The following ZNF513 variants were observed in gnomAD, a reference collection of about 807,000 sequenced individuals.
ZNF513 encodes the protein zinc finger protein 513.
ZNF513 carries 16 observed loss-of-function variants against 39.7 expected under a neutral mutation model. The observed-to-expected ratio is 0.40, with a 90% confidence interval of 0.27 to 0.61. ZNF513 has a LOEUF of 0.61. Among genes scored for constraint, ZNF513 ranks in the 20% least tolerant of loss-of-function variants. The probability of loss-of-function intolerance (pLI) is 0.39; values close to 1 mark genes in which losing one functional copy is unlikely to be tolerated. For synonymous variants in ZNF513, 348 were observed against 296.5 expected, an observed-to-expected ratio of 1.17 and a Z score of -1.79; for missense variants, 699 against 743.6, an observed-to-expected ratio of 0.94 and a Z score of 0.70.
At chr2:27,379,086 C>T in intron 2 of ZNF513, 32 bp from the exon 3 acceptor site, 2 of 1,603,144 alleles carry the variant, frequency 1.2e-6, no homozygotes, top group Non-Finnish European at 1.7e-6. Flanking sequence ...GAGACATCAG[C>T]ATAGGGTAGG....
At position 27,380,615 on chromosome 2, in the gene ZNF513, C is replaced by G. The variant is rs975653754; in HGVS notation, c.-89G>C. On this transcript the variant is annotated 5_prime_UTR_variant, in exon 1 of 4. An upstream open reading frame in the 5' UTR loses its in-frame stop. Coordinates refer to ENST00000323703, the MANE Select transcript of ZNF513 (RefSeq NM_144631.6). Reference sequence around the variant, plus strand: ...CGGCCCGCCTGTCTGCCCTTCCTCTCAGGGCCCGCGGGCCGCCCCCATGCA... The same window carrying G: ...CGGCCCGCCTGTCTGCCCTTCCTCTGAGGGCCCGCGGGCCGCCCCCATGCA... The G allele has an allele frequency of 2.0e-6, 3 of 1,513,188 alleles. No homozygotes were observed. The highest frequency in any genetic ancestry group is 4.3e-5 in the Admixed American group (2 of 46,578). 93.7% of individuals were successfully genotyped at this position (1,513,188 alleles called of 1,614,324 possible).
chr2:27,380,334 T>C (rs887463328), intron 1 of ZNF513, 86 bp from the exon 2 acceptor site: 8 of 1,610,666 alleles, frequency 5.0e-6, no homozygotes, highest in African/African-American at 2.7e-5. Context: ...CCCACTCTGA[T>C]TCCCTTAGTG....
chr2:27,377,512 G>T lies in ZNF513; in HGVS notation c.*33C>A, dbSNP rs145489942. 6.2e-7 allele frequency: 1 copy of T among 1,609,342 alleles called. No homozygotes were observed. Reference sequence around the variant, plus strand: ...GGGAGAAAAAGGTGGCTTCTGGTCCGTCTGTATAAAACATGGGGAAGAAGG... The same window carrying T: ...GGGAGAAAAAGGTGGCTTCTGGTCCTTCTGTATAAAACATGGGGAAGAAGG... On this transcript the variant is annotated 3_prime_UTR_variant, in exon 4 of 4. Transcript: ENST00000323703. This position sits in a 1 kb window ranked among gnomAD's most constrained non-coding sequence, Gnocchi z 4.4.
In ZNF513 at chr2:27,378,839, G is replaced by C. The variant is rs759866772; in HGVS notation, c.427C>G (p.Leu143Val). The C allele has an allele frequency of 6.2e-7, 1 of 1,609,458 alleles. No individual in the cohort carries two copies. The highest frequency in any genetic ancestry group is 1.1e-5 in the South Asian group (1 of 90,802). The change falls in exon 3 of 4, where the codon CTG becomes GTG. Residue 143 changes from leucine to valine, a missense_variant. Physicochemically the swap from Leu to Val is conservative, Grantham distance 32 (BLOSUM62 1). Coordinates refer to ENST00000323703, the MANE Select transcript of ZNF513 (RefSeq NM_144631.6). This position sits in a 1 kb window ranked among gnomAD's most constrained non-coding sequence, Gnocchi z 8.0. ...CGAGGPGGGP[L>V]LPPRLLYSCR... ...GAGTACAGTAGCCGTGGGGGCAGCAGGGGCCCCCCACCCGGCCCTCCTGCC... is the reference window on the plus strand; with the variant it reads ...GAGTACAGTAGCCGTGGGGGCAGCACGGGCCCCCCACCCGGCCCTCCTGCC...
Position 27,378,343 on chromosome 2 carries a change from G to A in ZNF513, c.828C>T (p.Leu276=). 1.2e-6 allele frequency: 2 copies of A among 1,602,152 alleles called. No individual in the cohort carries two copies. Among genetic ancestry groups the A allele is most frequent in the Non-Finnish European group, 1.7e-6 (2 of 1,179,964 alleles). The change falls in exon 4 of 4, where the codon CTC becomes CTT. Residue 276 remains leucine, a synonymous_variant. Transcript: ENST00000323703. This position sits in a 1 kb window ranked among gnomAD's most constrained non-coding sequence, Gnocchi z 8.0. The part of the protein sequence containing the change: ...EDALLLPDLS[L]HVPPGGASFL... ...AACTGGCACCACCTGGTGGCACATG[G>A]AGGCTCAAATCTGGAAGGAGCAGAG...
rs147635838 is a variant in ZNF513, at chr2:27,378,313, C to T, written c.858G>A (p.Leu286=). The part of the protein sequence containing the change: ...LHVPPGGASF[L]PDCGQLRGEG... The stretch of plus-strand genomic sequence containing the variant: ...CACCCCGCAGCTGCCCACAGTCTGG[C>T]AGGAAACTGGCACCACCTGGTGGCA... Residue 286 remains leucine (L), a synonymous_variant, in exon 4 of 4, where the codon CTG becomes CTA. Transcript: ENST00000323703. This position sits in a 1 kb window ranked among gnomAD's most constrained non-coding sequence, Gnocchi z 8.0. 1.5e-5 allele frequency: 24 copies of T among 1,601,024 alleles called. No homozygotes were observed. The highest frequency in any genetic ancestry group is 5.0e-5 in the Admixed American group (3 of 60,006).
intron 2 of ZNF513, among the ~76,000 whole-genome samples, chr2:27,379,731 A>G (rs998130127): frequency 2.0e-5 from 3 of 152,238 alleles, no homozygotes; most frequent in African/African-American, 7.2e-5. Context: ...AGGGAGTTAG[A>G]TTAGACCTAA....
rs567711204 is a variant in ZNF513 at position 27,379,945 on chromosome 2, A to G, written c.211+148T>C. ...ACAAAGTGATGGAAGTGATTGGACC[A>G]TTAAACAAATGAAGTCATCTAGCTC... is the stretch of plus-strand genomic sequence containing the variant. On this transcript the variant is annotated intron_variant, in intron 2 of 3. Coordinates refer to ENST00000323703, the MANE Select transcript of ZNF513 (RefSeq NM_144631.6). 3.9e-4 allele frequency: 425 copies of G among 1,081,444 alleles called. 4 individuals are homozygous for G. The South Asian group carries it at 5.3e-3, about 13-fold the overall frequency. The allele number at this position is 1,081,444 out of a possible 1,614,324, so 67.0% of individuals were successfully genotyped here. A position where few individuals can be genotyped will look rare whatever the true frequency, so the allele number is the denominator to read the frequency against.
intron 1 of ZNF513, 36 bp downstream of exon 1, chr2:27,380,436 C>A: frequency 1.3e-6 from 2 of 1,581,330 alleles, no homozygotes; most frequent in South Asian, 2.3e-5. Context: ...TGACCCCACC[C>A]CCGCTCCTCT....
chr2:27,377,600 C>T lies in ZNF513; in HGVS notation c.1571G>A (p.Gly524Asp), dbSNP rs776203663. The change falls in exon 4 of 4, where the codon GGC becomes GAC. Residue 524 changes from glycine to aspartate, a missense_variant. Transcript: ENST00000323703. The surrounding 1 kb of genome is among the most constrained non-coding windows in gnomAD (Gnocchi z 4.4). ...HSPPSVLSSR[G>D]PPALGTAGSR... is the part of the protein sequence containing the mutation. Reference sequence around the variant, plus strand: ...GCCAGCAGTCCCCAGGGCTGGTGGGCCCCGAGAGCTCAAAACAGAGGGTGG... The same window carrying T: ...GCCAGCAGTCCCCAGGGCTGGTGGGTCCCGAGAGCTCAAAACAGAGGGTGG... 6.2e-7 allele frequency: 1 copy of T among 1,614,062 alleles called. No individual in the cohort carries two copies. The highest frequency in any genetic ancestry group is 8.5e-7 in the Non-Finnish European group (1 of 1,180,034).
In ZNF513 at chr2:27,378,183, G is replaced by A. The variant is rs1233213824; in HGVS notation, c.988C>T (p.Arg330Trp). Residue 330 changes from arginine to tryptophan, a missense_variant, in exon 4 of 4, where the codon CGG becomes TGG. By Grantham distance (101) the Arg-to-Trp change is moderately radical. This residue lies in a region of ZNF513 where 530 missense variants were observed against 499.3 expected (regional missense o/e 1.06). Coordinates refer to ENST00000323703, the MANE Select transcript of ZNF513 (RefSeq NM_144631.6). This position sits in a 1 kb window ranked among gnomAD's most constrained non-coding sequence, Gnocchi z 8.0. ...GQELEEGEGSRLGAAMCGRCM... is the reference protein window; with the variant it reads ...GQELEEGEGSWLGAAMCGRCM... ...CGCCCACACATGGCAGCTCCCAGCC[G>A]ACTACCCTCACCCTCCTCCAGCTCT... The A allele has an allele frequency of 1.3e-5, 21 of 1,611,226 alleles. No individual in the cohort carries two copies. Among genetic ancestry groups the A allele is most frequent in the Admixed American group, 3.3e-5 (2 of 59,994 alleles).
Position 27,378,528 on chromosome 2 carries a change from T to G in ZNF513, c.738A>C (p.Pro246=), listed in dbSNP as rs746302639. ...CPTCGFRCCT[P]RPARPPSPTE... ...TGGGACTGGGAGGCCGGGCTGGTCG[T>G]GGAGTACAGCAGCGGAAGCCACAGG... The change falls in exon 3 of 4, where the codon CCA becomes CCC. Residue 246 remains proline, a synonymous_variant. Coordinates refer to ENST00000323703, the MANE Select transcript of ZNF513 (RefSeq NM_144631.6). The surrounding 1 kb of genome is among the most constrained non-coding windows in gnomAD (Gnocchi z 8.0). 1.7e-5 allele frequency: 28 copies of G among 1,613,934 alleles called. No homozygotes were observed. The African/African-American group carries it at 3.6e-4, about 21-fold the overall frequency.
chr2:27,377,434 G>T lies in ZNF513; in HGVS notation c.*111C>A. ...TATGGGCCCCCCCGCCCATGGGGTT[G>T]GGCTGGTCCTTATAGTGCCTACGTT... On this transcript the variant is annotated 3_prime_UTR_variant, in exon 4 of 4. Transcript: ENST00000323703. This position sits in a 1 kb window ranked among gnomAD's most constrained non-coding sequence, Gnocchi z 4.4. The T allele has an allele frequency of 8.2e-7, 1 of 1,219,374 alleles. No homozygotes were observed. Among genetic ancestry groups the T allele is most frequent in the Non-Finnish European group, 1.2e-6 (1 of 846,328 alleles). 75.5% of individuals were successfully genotyped at this position (1,219,374 alleles called of 1,614,324 possible).
Position 27,377,592 on chromosome 2 carries a change from C to T in ZNF513, c.1579G>A (p.Ala527Thr), listed in dbSNP as rs774877779. The change falls in exon 4 of 4, where the codon GCC (alanine) becomes ACC (threonine). Residue 527 changes from alanine to threonine, a missense_variant. Ala to Thr is a moderately conservative substitution (Grantham distance 58, BLOSUM62 0). Transcript: ENST00000323703. This position sits in a 1 kb window ranked among gnomAD's most constrained non-coding sequence, Gnocchi z 4.4. ...GCCCGGCTGCCAGCAGTCCCCAGGGCTGGTGGGCCCCGAGAGCTCAAAACA... is the reference window on the plus strand; with the variant it reads ...GCCCGGCTGCCAGCAGTCCCCAGGGTTGGTGGGCCCCGAGAGCTCAAAACA... ...PSVLSSRGPPALGTAGSRAVH... is the reference protein window; with the variant it reads ...PSVLSSRGPPTLGTAGSRAVH... The T allele has an allele frequency of 2.5e-6, 4 of 1,614,114 alleles. No homozygotes were observed. The highest frequency in any genetic ancestry group is 3.4e-6 in the Non-Finnish European group (4 of 1,180,040).
rs1211812968 is a variant in ZNF513, at chr2:27,377,249, C to G, written c.*296G>C. 3.5e-6 allele frequency: 2 copies of G among 567,224 alleles called. No individual in the cohort carries two copies. The highest frequency in any genetic ancestry group is 6.3e-6 in the Non-Finnish European group (2 of 315,304). The allele number at this position is 567,224 out of a possible 1,614,324, so 35.1% of individuals were successfully genotyped here. On this transcript the variant is annotated 3_prime_UTR_variant, in exon 4 of 4. Coordinates refer to ENST00000323703, the MANE Select transcript of ZNF513 (RefSeq NM_144631.6). The surrounding 1 kb of genome is among the most constrained non-coding windows in gnomAD (Gnocchi z 4.4). Reference sequence around the variant, plus strand: ...ATAGACATGGCTTTGTTAGTGTTTCCTTTATTATAAAGCACTGAAATAAGT... The same window carrying G: ...ATAGACATGGCTTTGTTAGTGTTTCGTTTATTATAAAGCACTGAAATAAGT...
At chr2:27,379,533 GC>G (rs1315130501) in intron 2 of ZNF513, among the ~76,000 whole-genome samples, 1 of 152,164 alleles carries the variant, frequency 6.6e-6, no homozygotes, top group Non-Finnish European at 1.5e-5. Context: ...AATACCACTT[GC>G]CTGCCTAAAG....
chr2:27,378,857 C>T lies in ZNF513; in HGVS notation c.409G>A (p.Gly137Arg), dbSNP rs376917412. ...GGCAGCAGGGGCCCCCCACCCGGCC[C>T]TCCTGCCCCACAACACGGCCCCTCA... ...TGEGPCCGAG[G>R]PGGGPLLPPR... Residue 137 changes from glycine to arginine, a missense_variant, in exon 3 of 4, where the codon GGG (glycine) becomes AGG (arginine). This residue lies in a region of ZNF513 where 530 missense variants were observed against 499.3 expected (regional missense o/e 1.06). Coordinates refer to ENST00000323703, the MANE Select transcript of ZNF513 (RefSeq NM_144631.6). The surrounding 1 kb of genome is among the most constrained non-coding windows in gnomAD (Gnocchi z 8.0). The T allele has an allele frequency of 2.0e-5, 32 of 1,605,528 alleles. No individual in the cohort carries two copies. Among genetic ancestry groups the T allele is most frequent in the African/African-American group, 2.7e-5 (2 of 74,760 alleles).
rs1683475247 is a variant in ZNF513, at chr2:27,378,743, C to G, written c.523G>C (p.Glu175Gln). Reference sequence around the variant, plus strand: ...CAGCGGCCACAGCGGAACGGCTTCTCTCCGCTGTGTGTCTGCATGTGCCGC... The same window carrying G: ...CAGCGGCCACAGCGGAACGGCTTCTGTCCGCTGTGTGTCTGCATGTGCCGC... ...LKRHMQTHSG[E>Q]KPFRCGRCPY... The change falls in exon 3 of 4, where the codon GAG becomes CAG. Residue 175 changes from glutamate to glutamine, a missense_variant. Transcript: ENST00000323703. This position sits in a 1 kb window ranked among gnomAD's most constrained non-coding sequence, Gnocchi z 8.0. 8 of 1,614,034 alleles carry G rather than the reference C, an allele frequency of 5.0e-6. No homozygotes were observed. Among genetic ancestry groups the G allele is most frequent in the Non-Finnish European group, 6.8e-6 (8 of 1,179,950 alleles).
rs972746711 is a variant in ZNF513 at position 27,378,653 on chromosome 2, G to A, written c.613C>T (p.Pro205Ser). The A allele has an allele frequency of 9.3e-6, 15 of 1,613,728 alleles. No individual in the cohort carries two copies. Among genetic ancestry groups the A allele is most frequent in the African/African-American group, 1.3e-5 (1 of 74,944 alleles). The change falls in exon 3 of 4, where the codon CCC becomes TCC. Residue 205 changes from proline to serine, a missense_variant. Pro to Ser is a moderately conservative substitution (Grantham distance 74, BLOSUM62 -1). Coordinates refer to ENST00000323703, the MANE Select transcript of ZNF513 (RefSeq NM_144631.6). The surrounding 1 kb of genome is among the most constrained non-coding windows in gnomAD (Gnocchi z 8.0). ...AAGGGGCAGTGGGGACAGCGGTAGG[G>A]CTTCTCGCCAGTGTGGGTGCGGGTA... ...RHTRTHTGEKPYRCPHCPFAC... is the reference protein window; with the variant it reads ...RHTRTHTGEKSYRCPHCPFAC...
Sources: allele counts gnomAD v4.1 joint callset (sites outside exome capture counted in the v4.1 genomes callset), GRCh38; gene constraint gnomAD v4.1.1; regional missense constraint gnomAD v4.1.1; non-coding constraint Gnocchi (gnomAD v3.1); transcripts MANE v1.5; gene names NCBI Gene and HGNC (gene_info 2026-07-23, HGNC 2026-07-21).